RHEX: variants seen among roughly 807,000 people sequenced by gnomAD.
RHEX encodes regulator of hemoglobinization and erythroid cell expansion, also known as regulator of hemoglobinization and erythroid cell expansion protein.
RHEX carries 18 observed loss-of-function variants against 20.1 expected under a neutral mutation model. The ratio of observed to expected loss-of-function variants is 0.90; its 90% CI spans 0.62 to 1.33. The LOEUF (loss-of-function observed/expected upper bound fraction) is 1.33. Ranked by LOEUF, RHEX falls within the 40% of genes most tolerant of loss-of-function variation. RHEX has a pLI of 0.00. For missense variants in RHEX, 192 were observed against 214.3 expected, an observed-to-expected ratio of 0.90 and a Z score of 0.65; for synonymous variants, 87 against 77.1, an observed-to-expected ratio of 1.13 and a Z score of -0.67.
At chr1:206,080,980 C>T (rs1662725516) in intron 1 of RHEX, among the ~76,000 whole-genome samples, 1 of 146,620 alleles carries the variant, frequency 6.8e-6, no homozygotes, top group African/African-American at 2.6e-5. Flanking sequence ...TTTTTTTGTA[C>T]ATACACACAC....
intron 1 of RHEX, among the ~76,000 whole-genome samples, chr1:206,074,836 T>C (rs1314232590): frequency 6.6e-6 from 1 of 152,222 alleles, no homozygotes; most frequent in Admixed American, 6.5e-5. Context: ...TTATTCAACA[T>C]TCCCAAAGGG....
chr1:206,097,990 G>T, intron 2 of RHEX, 91 bp from the exon 3 acceptor site: 1 of 1,216,462 alleles, frequency 8.2e-7, no homozygotes, highest in Non-Finnish European at 1.2e-6. Context: ...AGCAATGCCA[G>T]ATGTCTGCCT....
chr1:206,074,817 GCA>G (rs1246167510), intron 1 of RHEX, among the ~76,000 whole-genome samples: 1 of 152,226 alleles, frequency 6.6e-6, no homozygotes, highest in Non-Finnish European at 1.5e-5. Context: ...TAGGCACAGA[GCA>G]CACAGTTTAT....
At chr1:206,084,000 C>T (rs375829027) in intron 1 of RHEX, among the ~76,000 whole-genome samples, 2 of 152,196 alleles carry the variant, frequency 1.3e-5, no homozygotes, top group Admixed American at 6.5e-5. Context: ...ATAAAACACC[C>T]ACCTTACAGG....
intron 1 of RHEX, among the ~76,000 whole-genome samples, chr1:206,095,113 G>A (rs1036963060): frequency 3.3e-5 from 5 of 152,038 alleles, no homozygotes; most frequent in Admixed American, 6.6e-5. Context: ...GGCTCCAAAT[G>A]TCAGATACTA....
At chr1:206,065,662 G>C (rs1553284107) in intron 1 of RHEX, among the ~76,000 whole-genome samples, 1 of 152,202 alleles carries the variant, frequency 6.6e-6, no homozygotes, top group East Asian at 1.9e-4. Flanking sequence ...TGAGAGGATA[G>C]GGACAGGAAA....
At chr1:206,087,053 G>A (rs578034587) in intron 1 of RHEX, among the ~76,000 whole-genome samples, 7 of 152,142 alleles carry the variant, frequency 4.6e-5, no homozygotes, top group Non-Finnish European at 1.0e-4. Flanking sequence ...CCATTTTACA[G>A]ATATAACCCT....
In RHEX at chr1:206,057,479, G is replaced by A. The variant is rs138680970; in HGVS notation, c.-97+4214G>A. Among the ~76,000 whole-genome samples the A allele has an allele frequency of 7.9e-5, 12 of 152,364 alleles. No homozygotes were observed. The East Asian group carries it at 1.9e-3, about 24-fold the overall frequency. The stretch of plus-strand genomic sequence containing the variant: ...AATGGTACCACAAAAACAGTTACAT[G>A]GTGGAGTTCCAATTACACAGAAAAA... On this transcript the variant is annotated intron_variant, in intron 1 of 5. Transcript: ENST00000331555.
chr1:206,079,716 G>A (rs1469010627), intron 1 of RHEX, among the ~76,000 whole-genome samples: 7 of 152,004 alleles, frequency 4.6e-5, no homozygotes, highest in East Asian at 3.9e-4. Context: ...CTACCACGCC[G>A]GGCTAATTTT....
Position 206,101,155 on chromosome 1 carries a change from A to T in RHEX, c.276A>T (p.Ser92=). 1 of 1,613,160 alleles carries T rather than the reference A, an allele frequency of 6.2e-7. No homozygotes were observed. Among genetic ancestry groups the T allele is most frequent in the Non-Finnish European group, 8.5e-7 (1 of 1,179,658 alleles). ...CCCCAGATGACAGCGACACACCCTC[A>T]GATAGCTTGGATAGCTCCTGCAGTT... ...SLYRHDSDTP[S]DSLDSSCSSP... is the part of the protein sequence containing the mutation. The change falls in exon 5 of 6, where the codon TCA becomes TCT. Residue 92 remains serine, a synonymous_variant. Transcript: ENST00000331555.
intron 1 of RHEX, among the ~76,000 whole-genome samples, chr1:206,057,185 T>C (rs1294358940): frequency 6.6e-6 from 1 of 152,256 alleles, no homozygotes; most frequent in Non-Finnish European, 1.5e-5. Context: ...AAAATTTGTT[T>C]TTGCAATTAG....
intron 1 of RHEX, among the ~76,000 whole-genome samples, chr1:206,094,015 A>G (rs1310026735): frequency 6.6e-6 from 1 of 152,076 alleles, no homozygotes; most frequent in Non-Finnish European, 1.5e-5. Context: ...AGGGCACTAC[A>G]TTAGTGTGGG....
Position 206,101,914 on chromosome 1 carries a change from C to T in RHEX, c.481C>T (p.Leu161=). The T allele has an allele frequency of 6.2e-7, 1 of 1,614,116 alleles. No individual in the cohort carries two copies. The highest frequency in any genetic ancestry group is 1.1e-5 in the South Asian group (1 of 91,082). ...TTTCTGGTATTTTGTCAACCCTGCT[C>T]TGTCTGAGCCAGCGGAATATGATCA... ...PSFWYFVNPA[L]SEPAEYDQVA... The change falls in exon 6 of 6, where the codon CTG becomes TTG. Residue 161 remains leucine (L), a synonymous_variant. Transcript: ENST00000331555.
intron 5 of RHEX, 90 bp from the exon 6 acceptor site, chr1:206,101,662 A>T (rs1173981425): frequency 9.9e-7 from 1 of 1,013,538 alleles, no homozygotes; most frequent in Non-Finnish European, 1.5e-6. Context: ...CCATGGGCGA[A>T]TCTTGTTGAG....
intron 1 of RHEX, among the ~76,000 whole-genome samples, chr1:206,066,530 T>A (rs1469401063): frequency 1.3e-5 from 2 of 152,150 alleles, no homozygotes; most frequent in African/African-American, 2.4e-5. Context: ...GGCAGAAGAA[T>A]CGCTTGAACC....
In RHEX at chr1:206,095,442, C is replaced by T. The variant is rs533766591; in HGVS notation, c.-96-2291C>T. Among the ~76,000 whole-genome samples the T allele has an allele frequency of 1.1e-4, 16 of 152,238 alleles. No homozygotes were observed. The South Asian group carries it at 3.1e-3, about 30-fold the overall frequency. The stretch of plus-strand genomic sequence containing the variant: ...GTTTTAAAGACATTGTCTCTGTGTA[C>T]ACACATTATTTGCATATATACATGC... On this transcript the variant is annotated intron_variant, in intron 1 of 5. Coordinates refer to ENST00000331555, the MANE Select transcript of RHEX (RefSeq NM_001007544.4).
chr1:206,059,156 A>G (rs1553283003), intron 1 of RHEX, among the ~76,000 whole-genome samples: 1 of 151,980 alleles, frequency 6.6e-6, no homozygotes, highest in East Asian at 1.9e-4. Context: ...CCACTCCCCC[A>G]TACATCATGC....
Position 206,098,231 on chromosome 1 carries a change from C to A in RHEX, c.112+50C>A, listed in dbSNP as rs782589181. Reference sequence around the variant, plus strand: ...CTCCTAGTCACTCTCAGAGACCATTCTCGAGCCTCCAGCAGGACAAGACCC... The same window carrying A: ...CTCCTAGTCACTCTCAGAGACCATTATCGAGCCTCCAGCAGGACAAGACCC... On this transcript the variant is annotated intron_variant, in intron 3 of 5. Transcript: ENST00000331555. The A allele has an allele frequency of 8.2e-6, 11 of 1,339,468 alleles. 1 individual carries two copies. The South Asian group carries it at 9.4e-5, about 11-fold the overall frequency. 83.0% of individuals were successfully genotyped at this position (1,339,468 alleles called of 1,614,324 possible).
intron 1 of RHEX, among the ~76,000 whole-genome samples, chr1:206,094,211 G>A (rs111898077): frequency 0.025 from 3,818 of 151,108 alleles, 60 homozygotes; most frequent in African/African-American, 0.035. Flanking sequence ...ACGTGCACGC[G>A]CAAATGAGCA....
Sources: gnomAD v4.1 joint callset for allele counts (sites outside exome capture counted in the v4.1 genomes callset) on GRCh38, gnomAD v4.1.1 for gene constraint, MANE v1.5 for transcripts, NCBI Gene and HGNC (gene_info 2026-07-23, HGNC 2026-07-21) for gene names.